Variants in PRIMPOL observed in about 807,000 individuals in gnomAD.
PRIMPOL encodes primase and DNA directed polymerase.
A neutral mutation model predicts 63.6 loss-of-function variants in PRIMPOL; 54 were observed. The ratio of observed to expected loss-of-function variants is 0.85; its 90% CI spans 0.68 to 1.07. PRIMPOL has a LOEUF of 1.07. PRIMPOL is among the 50% of genes least tolerant of loss of function. PRIMPOL has a pLI of 0.00. For synonymous variants in PRIMPOL, 197 were observed against 220.2 expected, an observed-to-expected ratio of 0.89 and a Z score of 0.93; for missense variants, 610 against 648.3, an observed-to-expected ratio of 0.94 and a Z score of 0.64.
In PRIMPOL at chr4:184,662,912, A is replaced by G. The variant is rs543172659; in HGVS notation, c.408+1009A>G. Among the ~76,000 whole-genome samples, 99 of 151,308 alleles carry G rather than the reference A, an allele frequency of 6.5e-4. 1 individual carries two copies. The South Asian group carries it at 0.015, about 24-fold the overall frequency. ...TATATAAAGTCCCCCACCACCCCCA[A>G]AAAAAACCCCAAATTATATTTTTCT... On this transcript the variant is annotated intron_variant, in intron 5 of 13. Coordinates refer to ENST00000314970, the MANE Select transcript of PRIMPOL (RefSeq NM_152683.4).
At chr4:184,654,536 T>C (rs1228547673) in intron 2 of PRIMPOL, among the ~76,000 whole-genome samples, 8 of 150,870 alleles carry the variant, frequency 5.3e-5, no homozygotes, top group African/African-American at 2.4e-5. Context: ...CTGCAAGCTC[T>C]GCCTCCCGGG....
chr4:184,659,515 C>A, intron 4 of PRIMPOL, 78 bp downstream of exon 4: 1 of 1,046,266 alleles, frequency 9.6e-7, no homozygotes, highest in South Asian at 1.3e-5. Context: ...GAAATTAGTT[C>A]AGGCTGAATT....
chr4:184,666,058 C>A lies in PRIMPOL; in HGVS notation c.550C>A (p.His184Asn). 6.2e-7 allele frequency: 1 copy of A among 1,602,702 alleles called. No individual in the cohort carries two copies. Among genetic ancestry groups the A allele is most frequent in the Non-Finnish European group, 8.5e-7 (1 of 1,174,994 alleles). The change falls in exon 6 of 14, where the codon CAT (histidine) becomes AAT (asparagine). Residue 184 changes from histidine (H) to asparagine (N), a missense_variant. Coordinates refer to ENST00000314970, the MANE Select transcript of PRIMPOL (RefSeq NM_152683.4). Reference protein sequence around the residue: ...LHDVAFKDNIHVGNFLRKILQ... With the variant: ...LHDVAFKDNINVGNFLRKILQ... ...TGATGTGGCATTTAAAGATAATATT[C>A]ATGTTGGTAAGTACACGGCTTTTTA...
Position 184,672,029 on chromosome 4 carries a change from T to C in PRIMPOL, c.557-144T>C, listed in dbSNP as rs147095986. On this transcript the variant is annotated intron_variant, in intron 6 of 13. Coordinates refer to ENST00000314970, the MANE Select transcript of PRIMPOL (RefSeq NM_152683.4). Reference sequence around the variant, plus strand: ...TGCTGGGATTACAGGCGTGAGCCACTGTGCCCGGCAGCAACCCAGTTTTGA... The same window carrying C: ...TGCTGGGATTACAGGCGTGAGCCACCGTGCCCGGCAGCAACCCAGTTTTGA... 1,908 of 764,916 alleles carry C rather than the reference T, an allele frequency of 2.5e-3. 11 individuals carry two copies. Among genetic ancestry groups the C allele is most frequent in the East Asian group, 0.013 (507 of 40,198 alleles). The allele number at this position is 764,916 out of a possible 1,614,324, so 47.4% of individuals were successfully genotyped here. A position where few individuals can be genotyped will look rare whatever the true frequency, so the allele number is the denominator to read the frequency against.
intron 11 of PRIMPOL, among the ~76,000 whole-genome samples, chr4:184,688,523 T>TGG (rs1305791338): frequency 1.3e-5 from 2 of 152,204 alleles, no homozygotes; most frequent in African/African-American, 4.8e-5. Context: ...AAGGCACAAA[T>TGG]GGGGCAGAGT....
chr4:184,656,158 A>G (rs2150031255), intron 2 of PRIMPOL, among the ~76,000 whole-genome samples: 1 of 152,274 alleles, frequency 6.6e-6, no homozygotes, highest in South Asian at 2.1e-4. Context: ...GGCTAGAGTT[A>G]TGGCATGGCA....
intron 11 of PRIMPOL, among the ~76,000 whole-genome samples, chr4:184,686,060 A>G (rs1458351498): frequency 1.3e-5 from 2 of 152,198 alleles, no homozygotes; most frequent in Non-Finnish European, 2.9e-5. Context: ...TCAGCCTCCC[A>G]AAGTCCTGGG....
At chr4:184,690,603 G>T (rs1271200925) in intron 11 of PRIMPOL, among the ~76,000 whole-genome samples, 6 of 150,756 alleles carry the variant, frequency 4.0e-5, no homozygotes, top group African/African-American at 1.0e-4. Context: ...GGGATTACAG[G>T]TGCCCCCCAC....
intron 3 of PRIMPOL, among the ~76,000 whole-genome samples, chr4:184,658,635 G>T (rs1214322109): frequency 6.6e-6 from 1 of 152,182 alleles, no homozygotes; most frequent in Non-Finnish European, 1.5e-5. Flanking sequence ...GCTGGGTGCG[G>T]TGGCTCATGC....
At chr4:184,663,950 T>C (rs1749095196) in intron 5 of PRIMPOL, among the ~76,000 whole-genome samples, 1 of 152,188 alleles carries the variant, frequency 6.6e-6, no homozygotes, top group Non-Finnish European at 1.5e-5. Context: ...TAATAATTGG[T>C]GATAATGTAA....
At chr4:184,673,427 C>A (rs1234801772) in intron 7 of PRIMPOL, among the ~76,000 whole-genome samples, 9 of 66,864 alleles carry the variant, frequency 1.3e-4, no homozygotes, top group Non-Finnish European at 2.7e-4. Flanking sequence ...CTGCGCCCAG[C>A]CTCTTTTTTT....
At chr4:184,656,746 A>C (rs1431358205) in intron 2 of PRIMPOL, among the ~76,000 whole-genome samples, 1 of 152,260 alleles carries the variant, frequency 6.6e-6, no homozygotes, top group Non-Finnish European at 1.5e-5. Flanking sequence ...ATATATTTAC[A>C]TGAGGCTTTG....
intron 13 of PRIMPOL, among the ~76,000 whole-genome samples, chr4:184,692,471 C>CAAAAAAAAAAAAAAAAAAAAAAA (rs60321808): frequency 9.5e-5 from 7 of 73,804 alleles, no homozygotes; most frequent in Non-Finnish European, 1.4e-4. Context: ...GACTCTGCCT[C>CAAAAAAAAAAAAAAAAAAAAAAA]AAAAAAAAAA....
intron 6 of PRIMPOL, among the ~76,000 whole-genome samples, chr4:184,671,943 T>C (rs1451550976): frequency 6.6e-6 from 1 of 151,940 alleles, no homozygotes; most frequent in Admixed American, 6.6e-5. Flanking sequence ...GGTTTCACCG[T>C]GTTAACCAGG....
At chr4:184,652,180 T>C (rs562046257) in intron 2 of PRIMPOL, 80 bp downstream of exon 2, 1 of 152,324 alleles carries the variant, frequency 6.6e-6, no homozygotes, top group East Asian at 1.9e-4. Flanking sequence ...TCAATTCATT[T>C]GGTGAGATGG....
At chr4:184,669,280 A>T (rs1750916544) in intron 6 of PRIMPOL, among the ~76,000 whole-genome samples, 1 of 152,214 alleles carries the variant, frequency 6.6e-6, no homozygotes, top group South Asian at 2.1e-4. Flanking sequence ...GTTAAGGTTT[A>T]GATTTGACCA....
Position 184,682,261 on chromosome 4 carries a change from T to G in PRIMPOL, c.1021T>G (p.Leu341Val). The change falls in exon 9 of 14, where the codon TTA becomes GTA. Residue 341 changes from leucine (L) to valine (V), a missense_variant. Transcript: ENST00000314970. ...TTTCTTCTTCAGGTTCTCAGATACT[T>G]TACGAATTCTTACATGTGAGCCATC... ...LVSNVRFSDT[L>V]RILTCEPSQN... The G allele has an allele frequency of 6.3e-7, 1 of 1,589,084 alleles. No individual in the cohort carries two copies. The highest frequency in any genetic ancestry group is 8.6e-7 in the Non-Finnish European group (1 of 1,158,328).
intron 7 of PRIMPOL, 73 bp downstream of exon 7, chr4:184,672,533 G>A (rs372516005): frequency 2.0e-5 from 28 of 1,428,802 alleles, no homozygotes; most frequent in Middle Eastern, 3.7e-4. Context: ...GTGCCCACTC[G>A]TCACCGTGCT....
At chr4:184,691,023 G>A (rs1340964224) in intron 11 of PRIMPOL, among the ~76,000 whole-genome samples, 1 of 152,102 alleles carries the variant, frequency 6.6e-6, no homozygotes, top group Non-Finnish European at 1.5e-5. Flanking sequence ...GCATGGAATT[G>A]GTTTTATAAA....
Sources: allele counts gnomAD v4.1 joint callset (sites outside exome capture counted in the v4.1 genomes callset), GRCh38; gene constraint gnomAD v4.1.1; transcripts MANE v1.5; gene names NCBI Gene and HGNC (gene_info 2026-07-23, HGNC 2026-07-21).